The following SND1 variants were observed in gnomAD, a reference collection of about 807,000 sequenced individuals.
SND1 encodes staphylococcal nuclease domain-containing protein 1.
SND1 carries 38 observed loss-of-function variants against 121.7 expected under a neutral mutation model. The ratio of observed to expected loss-of-function variants is 0.31; its 90% CI spans 0.24 to 0.41. SND1 has a LOEUF of 0.41. Among genes scored for constraint, SND1 ranks in the 10% least tolerant of loss-of-function variants. The probability of loss-of-function intolerance (pLI) is 1.00; values close to 1 mark genes in which losing one functional copy is unlikely to be tolerated. For synonymous variants in SND1, 401 were observed against 447.4 expected (o/e 0.90, Z 1.31); for missense variants, 868 against 1,184.6 (o/e 0.73, Z 3.92).
At chr7:127,730,484 A>G (rs567804795) in intron 10 of SND1, among the ~76,000 whole-genome samples, 4 of 152,314 alleles carry the variant, frequency 2.6e-5, no homozygotes, top group Non-Finnish European at 5.9e-5. Flanking sequence ...AATAGCCTTC[A>G]TCCTTGTTTC....
At chr7:128,007,721 T>C (rs1451584198) in intron 16 of SND1, among the ~76,000 whole-genome samples, 2 of 152,164 alleles carry the variant, frequency 1.3e-5, no homozygotes, top group African/African-American at 2.4e-5. Flanking sequence ...GTTAGAAAAA[T>C]TTAGGAATGG....
intron 1 of SND1, 126 bp from the exon 2 acceptor site, chr7:127,686,487 A>T: frequency 2.1e-6 from 2 of 971,970 alleles, no homozygotes; most frequent in Non-Finnish European, 3.0e-6. Context: ...GTCATTCAAC[A>T]GATGACTTTG....
At chr7:127,991,561 C>G (rs1440376236) in intron 16 of SND1, among the ~76,000 whole-genome samples, 1 of 152,286 alleles carries the variant, frequency 6.6e-6, no homozygotes. Context: ...GCCCTTCTAC[C>G]TGCTAATTTT....
chr7:127,737,185 T>C (rs1796792672), intron 10 of SND1, among the ~76,000 whole-genome samples: 1 of 152,232 alleles, frequency 6.6e-6, no homozygotes, highest in Admixed American at 6.5e-5. Flanking sequence ...AGTTCAGGGT[T>C]GGCAGGAAAT....
chr7:127,826,080 A>G (rs1798638149), intron 11 of SND1, among the ~76,000 whole-genome samples: 1 of 152,294 alleles, frequency 6.6e-6, no homozygotes, highest in East Asian at 1.9e-4. Flanking sequence ...AATCCCAGCT[A>G]CTTGGGAGGC....
At chr7:127,914,539 A>C (rs1158402984) in intron 14 of SND1, among the ~76,000 whole-genome samples, 4 of 152,170 alleles carry the variant, frequency 2.6e-5, no homozygotes, top group African/African-American at 9.7e-5. Context: ...TTTCCTTACT[A>C]GTTTCTAAAC....
intron 16 of SND1, among the ~76,000 whole-genome samples, chr7:128,069,717 T>C (rs1016692748): frequency 6.6e-6 from 1 of 152,238 alleles, no homozygotes; most frequent in Admixed American, 6.5e-5. Context: ...TTATATTAGT[T>C]CATTTAATCA....
chr7:128,033,151 G>A (rs1792681619), intron 16 of SND1, among the ~76,000 whole-genome samples: 1 of 152,200 alleles, frequency 6.6e-6, no homozygotes, highest in Admixed American at 6.5e-5. Context: ...GAAGAACTGC[G>A]TAGCAGCCAG....
intron 10 of SND1, among the ~76,000 whole-genome samples, chr7:127,782,844 T>G (rs569378984): frequency 4.6e-5 from 7 of 152,312 alleles, no homozygotes; most frequent in Non-Finnish European, 7.3e-5. Flanking sequence ...GACTGAGTTT[T>G]TCAACTGCTG....
intron 1 of SND1, among the ~76,000 whole-genome samples, chr7:127,667,329 T>G (rs906222914): frequency 6.6e-6 from 1 of 152,234 alleles, no homozygotes; most frequent in Non-Finnish European, 1.5e-5. Context: ...GTCATTTTCA[T>G]TTCTCTAAGA....
intron 15 of SND1, among the ~76,000 whole-genome samples, chr7:127,986,938 A>C (rs1259578986): frequency 6.6e-6 from 1 of 152,266 alleles, no homozygotes; most frequent in African/African-American, 2.4e-5. Context: ...TTATTAAAAC[A>C]AAATAGTTTG....
intron 14 of SND1, among the ~76,000 whole-genome samples, chr7:127,926,446 AT>A (rs1800834546): frequency 6.6e-6 from 1 of 151,388 alleles, no homozygotes; most frequent in Admixed American, 6.6e-5. Context: ...CCTCAAGAAT[AT>A]GGGGAACTCC....
At chr7:127,655,602 T>G (rs900372113) in intron 1 of SND1, among the ~76,000 whole-genome samples, 2 of 152,380 alleles carry the variant, frequency 1.3e-5, no homozygotes, top group African/African-American at 2.4e-5. Context: ...ACATGTCTTC[T>G]ATCAAATCAG....
intron 9 of SND1, among the ~76,000 whole-genome samples, chr7:127,713,322 A>G (rs1373910747): frequency 1.3e-5 from 2 of 152,258 alleles, no homozygotes; most frequent in Admixed American, 6.5e-5. Context: ...TTAAAAATGG[A>G]AAAAAATACA....
intron 15 of SND1, among the ~76,000 whole-genome samples, chr7:127,968,772 G>T (rs1801911433): frequency 6.6e-6 from 1 of 152,180 alleles, no homozygotes; most frequent in South Asian, 2.1e-4. Flanking sequence ...GCTCTCCCAA[G>T]CATAACACAA....
chr7:127,820,872 C>T (rs577503855), intron 11 of SND1, among the ~76,000 whole-genome samples: 1 of 152,262 alleles, frequency 6.6e-6, no homozygotes, highest in South Asian at 2.1e-4. Flanking sequence ...CCTTTCTGAC[C>T]TTAGCAAGGA....
At position 128,033,164 on chromosome 7, in the gene SND1, G is replaced by T. The variant is rs550832495; in HGVS notation, c.1780-41338G>T. Among the ~76,000 whole-genome samples, 59 of 152,338 alleles carry T rather than the reference G, an allele frequency of 3.9e-4. 1 individual carries two copies. The South Asian group carries it at 0.012, about 31-fold the overall frequency. On this transcript the variant is annotated intron_variant, in intron 16 of 23. Coordinates refer to ENST00000354725, the MANE Select transcript of SND1 (RefSeq NM_014390.4). ...GAGAAGAACTGCGTAGCAGCCAGGG[G>T]TAGCGATTGGGAGTGGGGGTGGAAT...
intron 13 of SND1, among the ~76,000 whole-genome samples, chr7:127,899,847 A>G (rs950108953): frequency 1.3e-5 from 2 of 152,186 alleles, no homozygotes; most frequent in African/African-American, 2.4e-5. Context: ...AGTGAGCACA[A>G]TTATGAAAGA....
At chr7:128,012,639 T>C (rs778382337) in intron 16 of SND1, among the ~76,000 whole-genome samples, 9 of 152,168 alleles carry the variant, frequency 5.9e-5, no homozygotes, top group Non-Finnish European at 1.0e-4. Context: ...AAGCACTATT[T>C]TGCTCTGGCT....
Sources: gnomAD v4.1 joint callset for allele counts (sites outside exome capture counted in the v4.1 genomes callset) on GRCh38, gnomAD v4.1.1 for gene constraint, MANE v1.5 for transcripts, NCBI Gene and HGNC (gene_info 2026-07-23, HGNC 2026-07-21) for gene names.